Variants in SRGAP3 observed in about 807,000 individuals in gnomAD.
The protein encoded by SRGAP3 is SLIT-ROBO Rho GTPase activating protein 3.
SRGAP3 carries 39 observed loss-of-function variants against 121.1 expected under a neutral mutation model. The observed-to-expected ratio is 0.32, with a 90% confidence interval of 0.25 to 0.42. SRGAP3 has a LOEUF of 0.42. Ranked by LOEUF, SRGAP3 falls within the 10% of genes least tolerant of loss-of-function variation. The pLI is 1.00. For synonymous variants in SRGAP3, 601 were observed against 570.0 expected (o/e 1.05, Z -0.77); for missense variants, 1,213 against 1,470.6 (o/e 0.82, Z 2.86).
At chr3:9,324,881 C>T (rs1221681006) in intron 3 of SRGAP3, among the ~76,000 whole-genome samples, 4 of 151,390 alleles carry the variant, frequency 2.6e-5, no homozygotes, top group African/African-American at 7.3e-5. Context: ...GGCATGAACC[C>T]GGGAGGCGGA....
chr3:9,151,264 G>A (rs796971137), intron 1 of SRGAP3, among the ~76,000 whole-genome samples: 1 of 152,140 alleles, frequency 6.6e-6, no homozygotes, highest in Non-Finnish European at 1.5e-5. Context: ...AAGAGCATAC[G>A]GGGGAAGGAA....
At chr3:9,266,716 C>T (rs2125258623) in intron 3 of SRGAP3, among the ~76,000 whole-genome samples, 1 of 152,048 alleles carries the variant, frequency 6.6e-6, no homozygotes, top group African/African-American at 2.4e-5. Flanking sequence ...ACACCAGGTG[C>T]CAGGGCAGCA....
chr3:8,982,858 T>C lies in SRGAP3; in HGVS notation c.*2661A>G, dbSNP rs1000035256. On this transcript the variant is annotated 3_prime_UTR_variant, in exon 22 of 22. Coordinates refer to ENST00000383836, the MANE Select transcript of SRGAP3 (RefSeq NM_014850.4). Reference sequence around the variant, plus strand: ...TCCCAATGGAAAAAAAAAAAAAAGGTGCTTAAAGAAAACAGCTAAGACTCT... The same window carrying C: ...TCCCAATGGAAAAAAAAAAAAAAGGCGCTTAAAGAAAACAGCTAAGACTCT... The C allele has an allele frequency of 9.1e-6, 2 of 220,806 alleles. No homozygotes were observed. Among genetic ancestry groups the C allele is most frequent in the East Asian group, 6.4e-5 (1 of 15,714 alleles). 13.7% of individuals were successfully genotyped at this position (220,806 alleles called of 1,614,324 possible).
At chr3:9,133,988 A>G (rs1949552566) in intron 1 of SRGAP3, among the ~76,000 whole-genome samples, 1 of 152,186 alleles carries the variant, frequency 6.6e-6, no homozygotes, top group Non-Finnish European at 1.5e-5. Context: ...TACTTTTGGA[A>G]TGTTTGAAAT....
chr3:9,065,122 T>C (rs925249342), intron 4 of SRGAP3, among the ~76,000 whole-genome samples: 11 of 152,328 alleles, frequency 7.2e-5, no homozygotes, highest in Non-Finnish European at 1.3e-4. Flanking sequence ...TTTCCTGAAG[T>C]ACAATGGGCT....
intron 1 of SRGAP3, among the ~76,000 whole-genome samples, chr3:9,140,361 G>C (rs906931732): frequency 1.3e-5 from 2 of 152,090 alleles, no homozygotes; most frequent in Admixed American, 6.5e-5. Flanking sequence ...ACAAAAGTAG[G>C]TTACAAAAAT....
chr3:9,222,076 T>C (rs534681817), intron 1 of SRGAP3, among the ~76,000 whole-genome samples: 331 of 152,220 alleles, frequency 2.2e-3, no homozygotes, highest in African/African-American at 7.9e-3. Flanking sequence ...CTGGCCACAG[T>C]GACTGGTTCA....
chr3:9,068,725 A>G (rs1946543575), intron 4 of SRGAP3, among the ~76,000 whole-genome samples: 1 of 152,212 alleles, frequency 6.6e-6, no homozygotes, highest in Admixed American at 6.5e-5. Context: ...AGTTAGCTCA[A>G]TATTGCTAGT....
At chr3:9,098,651 TGGC>T (rs1273860396) in intron 3 of SRGAP3, among the ~76,000 whole-genome samples, 1 of 152,220 alleles carries the variant, frequency 6.6e-6, no homozygotes, top group Non-Finnish European at 1.5e-5. Context: ...TCACCTTTCT[TGGC>T]ATCAGTTTCC....
intron 11 of SRGAP3, chr3:9,036,634 C>T (rs987416343): frequency 1.3e-5 from 2 of 152,232 alleles, no homozygotes; most frequent in Non-Finnish European, 2.9e-5. Flanking sequence ...GACCCTGAGA[C>T]CTGGCCAAGT....
At chr3:9,256,269 T>C (rs1954131088) in intron 3 of SRGAP3, among the ~76,000 whole-genome samples, 1 of 152,224 alleles carries the variant, frequency 6.6e-6, no homozygotes, top group Non-Finnish European at 1.5e-5. Flanking sequence ...ACAGCTTCAG[T>C]GACAGCAATT....
intron 3 of SRGAP3, chr3:9,081,424 T>G (rs1405757323): frequency 5.4e-6 from 2 of 369,682 alleles, no homozygotes; most frequent in African/African-American, 4.3e-5. Flanking sequence ...ACTTCCCCCT[T>G]TGAGCCTCAG....
chr3:8,991,239 A>T (rs991487287), intron 20 of SRGAP3, among the ~76,000 whole-genome samples: 1 of 152,116 alleles, frequency 6.6e-6, no homozygotes, highest in Non-Finnish European at 1.5e-5. Context: ...GGGGCTTCTA[A>T]TTGGTCTGAA....
chr3:9,086,245 G>A (rs1264926525), intron 3 of SRGAP3, among the ~76,000 whole-genome samples: 2 of 152,166 alleles, frequency 1.3e-5, no homozygotes, highest in East Asian at 1.9e-4. Context: ...TGTTTGCTTG[G>A]CCAGGCATGG....
At chr3:9,008,951 A>C (rs868586154) in intron 18 of SRGAP3, among the ~76,000 whole-genome samples, 6 of 152,146 alleles carry the variant, frequency 3.9e-5, no homozygotes, top group Admixed American at 6.5e-5. Flanking sequence ...ATTGCCAGAG[A>C]CCACTGCACC....
chr3:9,131,980 C>G (rs538788727), intron 1 of SRGAP3, among the ~76,000 whole-genome samples: 1 of 152,328 alleles, frequency 6.6e-6, no homozygotes, highest in South Asian at 2.1e-4. Flanking sequence ...CTATGGCAAA[C>G]AGCCCGTGTG....
intron 3 of SRGAP3, among the ~76,000 whole-genome samples, chr3:9,282,594 G>A (rs1009327786): frequency 1.1e-4 from 17 of 151,924 alleles, no homozygotes; most frequent in African/African-American, 3.1e-4. Flanking sequence ...AGGTTCAAGC[G>A]ATTCTCCTGC....
intron 2 of SRGAP3, among the ~76,000 whole-genome samples, chr3:9,105,363 T>C (rs1948382022): frequency 6.6e-6 from 1 of 152,108 alleles, no homozygotes; most frequent in South Asian, 2.1e-4. Context: ...CACGGAGCTG[T>C]TGGGAAAGGG....
intron 15 of SRGAP3, chr3:9,014,418 G>A (rs972213466): frequency 6.2e-6 from 1 of 160,636 alleles, no homozygotes; most frequent in Non-Finnish European, 1.4e-5. Context: ...GGTTGCTCAG[G>A]AAATGAACAT....
Sources: gnomAD v4.1 joint callset for allele counts (sites outside exome capture counted in the v4.1 genomes callset) on GRCh38, gnomAD v4.1.1 for gene constraint, MANE v1.5 for transcripts, NCBI Gene and HGNC (gene_info 2026-07-23, HGNC 2026-07-21) for gene names.